The following MYT1L variants were observed in gnomAD, a reference collection of about 807,000 sequenced individuals.
MYT1L encodes the protein myelin transcription factor 1 like, also known as myelin transcription factor 1-like protein.
A neutral mutation model predicts 126.7 loss-of-function variants in MYT1L; 12 were observed. The ratio of observed to expected loss-of-function variants is 0.09; its 90% CI spans 0.06 to 0.15. MYT1L has a LOEUF of 0.15. MYT1L is among the 10% of genes least tolerant of loss of function. The pLI is 1.00. For missense variants in MYT1L, 979 were observed against 1,585.2 expected (o/e 0.62, Z 6.49); for synonymous variants, 541 against 604.2 (o/e 0.90, Z 1.53).
Position 2,226,345 on chromosome 2 carries a change from C to A in MYT1L, c.-420-53357G>T, listed in dbSNP as rs559545591. The stretch of plus-strand genomic sequence containing the variant: ...GAAGCATATTTGTTCTATAATAAAA[C>A]AGGTTAATATAAAATTAGATGGATG... On this transcript the variant is annotated intron_variant, in intron 2 of 24. Transcript: ENST00000647738. Among the ~76,000 whole-genome samples the A allele has an allele frequency of 1.5e-3, 233 of 151,652 alleles. 1 individual carries two copies. Among genetic ancestry groups the A allele is most frequent in the African/African-American group, 5.2e-3 (215 of 40,986 alleles).
At chr2:2,233,960 T>C (rs983289281) in intron 2 of MYT1L, among the ~76,000 whole-genome samples, 4 of 152,242 alleles carry the variant, frequency 2.6e-5, no homozygotes, top group Non-Finnish European at 2.9e-5. Flanking sequence ...ATTGCGGGTA[T>C]ACCTGGCACT....
rs1334458096 is a variant in MYT1L, at chr2:2,158,379, C to T, written c.-304+14493G>A. ...AAACAGTGTGTTTGGCATGCAGTCA[C>T]CTCAGCAGTAATTTGCATGTTCCAG... is the stretch of plus-strand genomic sequence containing the variant. On this transcript the variant is annotated intron_variant, in intron 3 of 24. Transcript: ENST00000647738. Among the ~76,000 whole-genome samples the T allele has an allele frequency of 2.0e-5, 3 of 152,304 alleles. No homozygotes were observed. In the East Asian group the frequency reaches 5.8e-4, roughly 29 times the overall value.
intron 4 of MYT1L, among the ~76,000 whole-genome samples, chr2:2,008,528 T>C (rs1222094087): frequency 6.6e-6 from 1 of 152,230 alleles, no homozygotes; most frequent in Non-Finnish European, 1.5e-5. Context: ...TTGAGGATTA[T>C]TTGCCTTATT....
At chr2:1,925,133 T>C (rs1463963147) in intron 9 of MYT1L, among the ~76,000 whole-genome samples, 1 of 152,230 alleles carries the variant, frequency 6.6e-6, no homozygotes, top group Non-Finnish European at 1.5e-5. Flanking sequence ...AGGCCACATG[T>C]TGGAGCATTT....
Position 1,811,676 on chromosome 2 carries a change from GCCTGCTGCTGTTTACACCGGAAATC to G in MYT1L, c.3081-2534_3081-2510del, listed in dbSNP as rs2036683969. 1 of 152,494 alleles carries G rather than the reference GCCTGCTGCTGTTTACACCGGAAATC, an allele frequency of 6.6e-6. No individual in the cohort carries two copies. The highest frequency in any genetic ancestry group is 2.4e-5 in the African/African-American group (1 of 41,432). The allele number at this position is 152,494 out of a possible 1,614,324, so 9.4% of individuals were successfully genotyped here. On this transcript the variant is annotated intron_variant, in intron 21 of 24. Transcript: ENST00000647738. The surrounding 1 kb of genome is among the most constrained non-coding windows in gnomAD (Gnocchi z 4.4). ...TGCTTCTGATGGATCCTCTCACCCT[GCCTGCTGCTGTTTACACCGGAAATC>G]CCTGTGCTACTCAAGCTGTCTTTAG...
At chr2:2,255,258 T>G (rs1388656601) in intron 2 of MYT1L, among the ~76,000 whole-genome samples, 1 of 152,060 alleles carries the variant, frequency 6.6e-6, no homozygotes, top group Non-Finnish European at 1.5e-5. Context: ...GATTACAGGG[T>G]GATTTCTTAC....
intron 3 of MYT1L, among the ~76,000 whole-genome samples, chr2:2,152,392 C>G (rs569836284): frequency 1.2e-3 from 181 of 152,328 alleles, no homozygotes; most frequent in African/African-American, 4.1e-3. Context: ...CATTCTCAAA[C>G]TGGGGTTGAC....
At chr2:2,168,277 T>C (rs551163050) in intron 3 of MYT1L, among the ~76,000 whole-genome samples, 4 of 152,134 alleles carry the variant, frequency 2.6e-5, no homozygotes, top group South Asian at 2.1e-4. Flanking sequence ...AGGGTGTGCA[T>C]TGTGTTTCAT....
intron 2 of MYT1L, among the ~76,000 whole-genome samples, chr2:2,180,362 T>TA (rs567729988): frequency 0.069 from 9,577 of 139,174 alleles, 325 homozygotes; most frequent in African/African-American, 0.079. Flanking sequence ...CATAAGCTCT[T>TA]AAAAAAAAAA....
rs1469590723 is a variant in MYT1L at position 2,124,904 on chromosome 2, G to A, written c.-304+47968C>T. On this transcript the variant is annotated intron_variant, in intron 3 of 24. Transcript: ENST00000647738. ...TCGGTGCTGGCCTCTCCCAGCCACGGTTTCACATCACATCATCCCGTATTT... is the reference window on the plus strand; with the variant it reads ...TCGGTGCTGGCCTCTCCCAGCCACGATTTCACATCACATCATCCCGTATTT... Among the ~76,000 whole-genome samples, 4 of 152,288 alleles carry A rather than the reference G, an allele frequency of 2.6e-5. No homozygotes were observed. In the East Asian group the frequency reaches 7.7e-4, roughly 29 times the overall value.
intron 3 of MYT1L, among the ~76,000 whole-genome samples, chr2:2,117,019 T>C (rs1324442368): frequency 2.0e-5 from 3 of 152,204 alleles, no homozygotes; most frequent in African/African-American, 7.2e-5. Context: ...AAGTGGTTTC[T>C]GGAGGCCACT....
intron 8 of MYT1L, among the ~76,000 whole-genome samples, chr2:1,964,401 A>G (rs974092391): frequency 2.0e-5 from 3 of 152,228 alleles, no homozygotes; most frequent in Admixed American, 2.0e-4. Flanking sequence ...ACGTGCTGTT[A>G]GAAAAACGGC....
chr2:2,189,126 T>C (rs1409755569), intron 2 of MYT1L, among the ~76,000 whole-genome samples: 1 of 152,188 alleles, frequency 6.6e-6, no homozygotes, highest in Non-Finnish European at 1.5e-5. Context: ...GTTCTAAAAA[T>C]GAAATTGCAT....
intron 14 of MYT1L, among the ~76,000 whole-genome samples, chr2:1,896,438 C>T (rs147137420): frequency 1.1e-3 from 161 of 152,238 alleles, no homozygotes; most frequent in African/African-American, 3.6e-3. Context: ...TCAACCTAGG[C>T]GCCCATCAGT....
chr2:1,842,750 C>T (rs2041917095), intron 19 of MYT1L: 1 of 154,946 alleles, frequency 6.5e-6, no homozygotes, highest in African/African-American at 2.4e-5. Context: ...AAATTAGACT[C>T]ATCGTCCACG....
chr2:2,237,515 A>G (rs1056596759), intron 2 of MYT1L, among the ~76,000 whole-genome samples: 1 of 152,188 alleles, frequency 6.6e-6, no homozygotes, highest in Non-Finnish European at 1.5e-5. Flanking sequence ...CCTAACAAAA[A>G]GCAGTTTTTG....
At chr2:2,320,944 G>C (rs1028652768) in intron 1 of MYT1L, among the ~76,000 whole-genome samples, 10 of 152,180 alleles carry the variant, frequency 6.6e-5, no homozygotes, top group Non-Finnish European at 1.3e-4. Context: ...ACAAACAGCT[G>C]GATGGATGCC....
At chr2:2,123,111 C>A (rs2081267267) in intron 3 of MYT1L, among the ~76,000 whole-genome samples, 1 of 152,058 alleles carries the variant, frequency 6.6e-6, no homozygotes, top group Non-Finnish European at 1.5e-5. Context: ...TCATCTGACC[C>A]ATTTCTTTGG....
At chr2:2,219,644 G>T (rs1240363083) in intron 2 of MYT1L, among the ~76,000 whole-genome samples, 1 of 152,130 alleles carries the variant, frequency 6.6e-6, no homozygotes, top group Non-Finnish European at 1.5e-5. Context: ...CATTCCACAA[G>T]TTACTTCCTC....
Sources: gnomAD v4.1 joint callset for allele counts (sites outside exome capture counted in the v4.1 genomes callset) on GRCh38, gnomAD v4.1.1 for gene constraint, Gnocchi (gnomAD v3.1) non-coding constraint, MANE v1.5 for transcripts, NCBI Gene and HGNC (gene_info 2026-07-23, HGNC 2026-07-21) for gene names.